Variants in DOCK3 observed in about 807,000 individuals in gnomAD.
The protein encoded by DOCK3 is dedicator of cytokinesis protein 3.
A neutral mutation model predicts 265.6 loss-of-function variants in DOCK3; 60 were observed. That is an observed-to-expected ratio of 0.23 (90% CI 0.18 to 0.28). DOCK3 has a LOEUF of 0.28. DOCK3 is among the 10% of genes least tolerant of loss of function. DOCK3 has a pLI of 1.00. For synonymous variants in DOCK3, 881 were observed against 938.0 expected (o/e 0.94, Z 1.11); for missense variants, 1,981 against 2,594.3 (o/e 0.76, Z 5.14).
intron 49 of DOCK3, among the ~76,000 whole-genome samples, chr3:51,369,491 G>C (rs1373732494): frequency 6.6e-6 from 1 of 152,140 alleles, no homozygotes; most frequent in African/African-American, 2.4e-5. Context: ...GAGAAGTTTA[G>C]AGAAAAAAGA....
intron 1 of DOCK3, among the ~76,000 whole-genome samples, chr3:50,710,512 G>T (rs1241861551): frequency 2.0e-5 from 3 of 152,128 alleles, no homozygotes; most frequent in Non-Finnish European, 4.4e-5. Flanking sequence ...ATAATAAAAA[G>T]ATGTTGACGT....
At chr3:50,776,406 T>C (rs2041604204) in intron 1 of DOCK3, among the ~76,000 whole-genome samples, 1 of 152,106 alleles carries the variant, frequency 6.6e-6, no homozygotes, top group African/African-American at 2.4e-5. Flanking sequence ...TGCCTATTCA[T>C]GTCCTTTTTC....
chr3:51,373,213 T>C (rs970734822), intron 49 of DOCK3, among the ~76,000 whole-genome samples: 1 of 152,224 alleles, frequency 6.6e-6, no homozygotes, highest in African/African-American at 2.4e-5. Context: ...CTGACAGTGC[T>C]GGCACTGCAC....
intron 1 of DOCK3, among the ~76,000 whole-genome samples, chr3:50,770,566 A>T (rs375074113): frequency 6.6e-6 from 1 of 152,148 alleles, no homozygotes; most frequent in Non-Finnish European, 1.5e-5. Flanking sequence ...CAGTGATGAC[A>T]TTCTTCACAA....
At chr3:51,125,570 A>G (rs74705706) in intron 9 of DOCK3, among the ~76,000 whole-genome samples, 1,876 of 152,282 alleles carry the variant, frequency 0.012, 25 homozygotes, top group Non-Finnish European at 0.021. Context: ...ACTTTGCCTC[A>G]TTGAGGCACA....
intron 1 of DOCK3, chr3:50,719,692 C>T (rs529738038): frequency 1.1e-5 from 16 of 1,522,824 alleles, no homozygotes; most frequent in Middle Eastern, 1.7e-4. Context: ...GACAAGATGC[C>T]GGGACTTGTA....
chr3:50,946,371 TATG>T (rs1318846251), intron 5 of DOCK3, among the ~76,000 whole-genome samples: 3 of 152,226 alleles, frequency 2.0e-5, no homozygotes, highest in African/African-American at 7.2e-5. Context: ...CATAACAAGA[TATG>T]ATAGTTTCAA....
chr3:51,063,116 C>G (rs2081474997), intron 5 of DOCK3, among the ~76,000 whole-genome samples: 1 of 152,018 alleles, frequency 6.6e-6, no homozygotes, highest in African/African-American at 2.4e-5. Context: ...GGTGTGGTGG[C>G]TCATGTCTCT....
intron 28 of DOCK3, among the ~76,000 whole-genome samples, chr3:51,310,754 C>T (rs2083024561): frequency 1.3e-5 from 2 of 152,216 alleles, no homozygotes; most frequent in Admixed American, 6.5e-5. Context: ...AGAATTTACT[C>T]TAAAGATAAT....
intron 7 of DOCK3, among the ~76,000 whole-genome samples, chr3:51,086,574 G>T (rs1448615402): frequency 6.6e-6 from 1 of 152,218 alleles, no homozygotes; most frequent in Non-Finnish European, 1.5e-5. Context: ...AAGGCAGGTG[G>T]ATCACCTGAG....
chr3:51,070,198 A>G (rs1325568814), intron 6 of DOCK3, among the ~76,000 whole-genome samples: 3 of 152,194 alleles, frequency 2.0e-5, no homozygotes, highest in Non-Finnish European at 2.9e-5. Flanking sequence ...ATTTGTTTTC[A>G]TGCCTGGTGG....
At chr3:50,757,050 G>T (rs1053836371) in intron 1 of DOCK3, among the ~76,000 whole-genome samples, 4 of 151,350 alleles carry the variant, frequency 2.6e-5, no homozygotes, top group Non-Finnish European at 4.4e-5. Flanking sequence ...ACAGGGTTTT[G>T]CCATATTGCT....
At chr3:51,336,659 G>A (rs1352780387) in intron 35 of DOCK3, among the ~76,000 whole-genome samples, 2 of 152,190 alleles carry the variant, frequency 1.3e-5, no homozygotes, top group African/African-American at 4.8e-5. Context: ...CCACACAGAA[G>A]TGATGCAGAG....
intron 1 of DOCK3, among the ~76,000 whole-genome samples, chr3:50,690,833 G>A (rs941235142): frequency 1.3e-5 from 2 of 151,570 alleles, no homozygotes; most frequent in African/African-American, 4.8e-5. Flanking sequence ...AGTAGAGATG[G>A]GGTTTCACTA....
At chr3:50,888,728 T>A (rs2107716397) in intron 3 of DOCK3, among the ~76,000 whole-genome samples, 1 of 152,238 alleles carries the variant, frequency 6.6e-6, no homozygotes, top group Middle Eastern at 3.4e-3. Context: ...CTATCTGATC[T>A]TTGACAAACC....
intron 9 of DOCK3, among the ~76,000 whole-genome samples, chr3:51,116,895 A>G (rs771221344): frequency 1.3e-5 from 2 of 152,218 alleles, no homozygotes; most frequent in Non-Finnish European, 2.9e-5. Context: ...ATATACCATC[A>G]TGTAATCTGC....
chr3:50,788,541 G>A (rs2042299805), intron 2 of DOCK3, among the ~76,000 whole-genome samples: 1 of 152,136 alleles, frequency 6.6e-6, no homozygotes, highest in South Asian at 2.1e-4. Flanking sequence ...ATCTTATCTG[G>A]GCCAGCCACC....
chr3:51,029,917 C>G (rs1397866018), intron 5 of DOCK3, among the ~76,000 whole-genome samples: 1 of 151,914 alleles, frequency 6.6e-6, no homozygotes, highest in African/African-American at 2.4e-5. Context: ...ACCTGGTTCT[C>G]TGTTCCTGAG....
chr3:51,031,845 A>G (rs970732482), intron 5 of DOCK3, among the ~76,000 whole-genome samples: 2 of 152,214 alleles, frequency 1.3e-5, no homozygotes, highest in Non-Finnish European at 2.9e-5. Context: ...AGCATGTGAG[A>G]ACATAGCATT....
Sources: allele counts gnomAD v4.1 joint callset (sites outside exome capture counted in the v4.1 genomes callset), GRCh38; gene constraint gnomAD v4.1.1; transcripts MANE v1.5; gene names NCBI Gene and HGNC (gene_info 2026-07-23, HGNC 2026-07-21).